The following AK9 variants were observed in gnomAD, a reference collection of about 807,000 sequenced individuals.
The protein encoded by AK9 is adenylate kinase 9, also known as adenylate kinase domain containing 1.
A neutral mutation model predicts 239.6 loss-of-function variants in AK9; 191 were observed. The ratio of observed to expected loss-of-function variants is 0.80; its 90% CI spans 0.71 to 0.90. The LOEUF is 0.90. AK9 is among the 40% of genes least tolerant of loss of function. The probability of loss-of-function intolerance (pLI) is 0.00; values close to 1 mark genes in which losing one functional copy is unlikely to be tolerated. For synonymous variants in AK9, 689 were observed against 721.0 expected, an observed-to-expected ratio of 0.96 and a Z score of 0.71; for missense variants, 1,995 against 2,214.7, an observed-to-expected ratio of 0.90 and a Z score of 1.99.
chr6:109,688,391 C>T (rs773501876), intron 1 of AK9, among the ~76,000 whole-genome samples: 1 of 152,160 alleles, frequency 6.6e-6, no homozygotes, highest in Non-Finnish European at 1.5e-5. Flanking sequence ...AGCACCACTA[C>T]CTAAAGGTTT....
chr6:109,657,746 G>A (rs1001828349), intron 7 of AK9, among the ~76,000 whole-genome samples: 8 of 151,884 alleles, frequency 5.3e-5, no homozygotes, highest in African/African-American at 1.9e-4. Context: ...TCCCCTTCCT[G>A]TGTCCAAGTG....
intron 28 of AK9, among the ~76,000 whole-genome samples, chr6:109,530,070 C>A (rs752498440): frequency 1.6e-4 from 24 of 152,206 alleles, no homozygotes; most frequent in Admixed American, 3.3e-4. Flanking sequence ...CTCCAACCTT[C>A]CCAGAATCCT....
At chr6:109,496,085 G>T (rs183686640) in intron 38 of AK9, among the ~76,000 whole-genome samples, 109 of 152,130 alleles carry the variant, frequency 7.2e-4, no homozygotes, top group Admixed American at 1.8e-3. Flanking sequence ...TTCAAACAGT[G>T]GCTTCACTAG....
At chr6:109,679,215 T>G (rs906128029) in intron 1 of AK9, among the ~76,000 whole-genome samples, 3 of 152,272 alleles carry the variant, frequency 2.0e-5, no homozygotes, top group Admixed American at 2.0e-4. Flanking sequence ...GGCTTGAAAT[T>G]CTCGCTGCCA....
At chr6:109,537,128 T>A (rs1432676570) in intron 27 of AK9, among the ~76,000 whole-genome samples, 1 of 152,186 alleles carries the variant, frequency 6.6e-6, no homozygotes, top group Non-Finnish European at 1.5e-5. Flanking sequence ...TAAAATGAGT[T>A]AGGGAGGATT....
At chr6:109,688,381 A>G (rs1363769429) in intron 1 of AK9, among the ~76,000 whole-genome samples, 2 of 152,212 alleles carry the variant, frequency 1.3e-5, no homozygotes, top group Non-Finnish European at 2.9e-5. Context: ...TGCCTTGGCC[A>G]GCACCACTAC....
At chr6:109,514,144 G>T in intron 32 of AK9, 80 bp downstream of exon 32, 1 of 1,301,406 alleles carries the variant, frequency 7.7e-7, no homozygotes, top group Non-Finnish European at 1.1e-6. Flanking sequence ...CCAGTGTCTT[G>T]GTGAATTGAC....
At chr6:109,628,611 C>T (rs942512696) in intron 12 of AK9, among the ~76,000 whole-genome samples, 2 of 152,166 alleles carry the variant, frequency 1.3e-5, no homozygotes, top group Non-Finnish European at 1.5e-5. Flanking sequence ...TTTAAAACTT[C>T]CCATTCATAC....
intron 28 of AK9, among the ~76,000 whole-genome samples, chr6:109,531,246 G>T (rs1323773771): frequency 1.3e-5 from 2 of 152,164 alleles, no homozygotes; most frequent in Non-Finnish European, 2.9e-5. Flanking sequence ...GAGGTAGTCA[G>T]AAGGATGGTC....
intron 29 of AK9, chr6:109,528,474 G>A (rs1328663892): frequency 2.3e-6 from 1 of 436,350 alleles, no homozygotes; most frequent in African/African-American, 2.0e-5. Flanking sequence ...ATAATTAAGA[G>A]GAGGGTTCTT....
At chr6:109,680,947 G>C (rs1096140) in intron 1 of AK9, among the ~76,000 whole-genome samples, 1 of 152,010 alleles carries the variant, frequency 6.6e-6, no homozygotes, top group African/African-American at 2.4e-5. Flanking sequence ...TCCTGAAGGA[G>C]GCACTAAACG....
Position 109,675,727 on chromosome 6 carries a change from T to G in AK9, c.19A>C (p.Thr7Pro). 4 of 1,585,306 alleles carry G rather than the reference T, an allele frequency of 2.5e-6. No homozygotes were observed. Among genetic ancestry groups the G allele is most frequent in the Non-Finnish European group, 1.7e-6 (2 of 1,167,610 alleles). The part of the protein sequence containing the change: MTSQEK[T>P]EEYPFADIFD... ...ATATCTGCAAAAGGATACTCTTCTG[T>G]CTTCTCTTGAGAAGTCATGACACAA... The change falls in exon 2 of 41, where the codon ACA (threonine) becomes CCA (proline). Residue 7 changes from threonine to proline, a missense_variant. Around this residue, in one of 5 missense-constraint regions of AK9, gnomAD observed 252 missense variants for 246.4 expected, o/e 1.02. Coordinates refer to ENST00000424296, the MANE Select transcript of AK9 (RefSeq NM_001145128.3).
intron 28 of AK9, 62 bp downstream of exon 28, chr6:109,533,189 A>G: frequency 9.0e-6 from 12 of 1,333,706 alleles, no homozygotes; most frequent in East Asian, 2.4e-5. Context: ...AGATCACTTT[A>G]TAATAGATCA....
At chr6:109,615,964 A>G (rs1353373838) in intron 13 of AK9, among the ~76,000 whole-genome samples, 4 of 152,050 alleles carry the variant, frequency 2.6e-5, no homozygotes, top group Non-Finnish European at 4.4e-5. Flanking sequence ...AACTAGGCAC[A>G]GCGGCTCATG....
intron 29 of AK9, 142 bp downstream of exon 29, chr6:109,528,869 C>G: frequency 7.0e-7 from 1 of 1,426,848 alleles, no homozygotes; most frequent in Middle Eastern, 1.8e-4. Context: ...TGCCTGTAAT[C>G]CTAGCACTTT....
chr6:109,575,539 T>C (rs1787957690), intron 20 of AK9, among the ~76,000 whole-genome samples: 1 of 152,136 alleles, frequency 6.6e-6, no homozygotes, highest in Admixed American at 6.5e-5. Flanking sequence ...TATTTTTTTT[T>C]CTTGCTGATT....
intron 29 of AK9, among the ~76,000 whole-genome samples, chr6:109,523,606 T>C (rs188173611): frequency 6.6e-5 from 10 of 152,244 alleles, no homozygotes; most frequent in African/African-American, 1.9e-4. Context: ...AGTTTCAGAG[T>C]AGTGGTGGTT....
chr6:109,617,796 T>C (rs999938424), intron 13 of AK9, among the ~76,000 whole-genome samples: 13 of 152,124 alleles, frequency 8.5e-5, no homozygotes, highest in African/African-American at 3.1e-4. Flanking sequence ...GTTCTAAGTA[T>C]GAGTGAGTTT....
intron 8 of AK9, among the ~76,000 whole-genome samples, chr6:109,651,778 A>G (rs1798987403): frequency 6.6e-6 from 1 of 152,040 alleles, no homozygotes; most frequent in East Asian, 1.9e-4. Context: ...ACCATCAGAG[A>G]ATACTATAAA....
Sources: gnomAD v4.1 joint callset for allele counts (sites outside exome capture counted in the v4.1 genomes callset) on GRCh38, gnomAD v4.1.1 for gene constraint, gnomAD v4.1.1 regional missense constraint, MANE v1.5 for transcripts, NCBI Gene and HGNC (gene_info 2026-07-23, HGNC 2026-07-21) for gene names.